The following PTPN21 variants were observed in gnomAD, a reference collection of about 807,000 sequenced individuals.
PTPN21 encodes protein tyrosine phosphatase non-receptor type 21, also known as tyrosine-protein phosphatase non-receptor type 21.
PTPN21 carries 77 observed loss-of-function variants against 131.8 expected under a neutral mutation model. That is an observed-to-expected ratio of 0.58 (90% CI 0.49 to 0.71). The LOEUF is 0.71. Ranked by LOEUF, PTPN21 falls within the 30% of genes least tolerant of loss-of-function variation. The pLI is 0.00. For missense variants in PTPN21, 1,552 were observed against 1,527.1 expected, an observed-to-expected ratio of 1.02 and a Z score of -0.27; for synonymous variants, 715 against 621.3, an observed-to-expected ratio of 1.15 and a Z score of -2.24.
At chr14:88,490,935 C>G (rs1179777545) in intron 10 of PTPN21, among the ~76,000 whole-genome samples, 1 of 152,160 alleles carries the variant, frequency 6.6e-6, no homozygotes, top group African/African-American at 2.4e-5. Context: ...CTCCCCAACT[C>G]TCTCGGCATT....
At chr14:88,530,894 A>G (rs1229238523) in intron 2 of PTPN21, among the ~76,000 whole-genome samples, 1 of 152,202 alleles carries the variant, frequency 6.6e-6, no homozygotes, top group Admixed American at 6.5e-5. Context: ...ACAGAAAGTC[A>G]ACAAAGAAAC....
rs1257033238 is a variant in PTPN21 at position 88,479,651 on chromosome 14, G to A, written c.1780C>T (p.Leu594Phe). The A allele has an allele frequency of 6.5e-7, 1 of 1,548,444 alleles. No homozygotes were observed. The highest frequency in any genetic ancestry group is 8.7e-7 in the Non-Finnish European group (1 of 1,152,638). ...GAGTGGTGCACGCGCCGCGTGATGAGGTCGGGGTTGCTGCTGCTGATGTAA... is the reference window on the plus strand; with the variant it reads ...GAGTGGTGCACGCGCCGCGTGATGAAGTCGGGGTTGCTGCTGCTGATGTAA... ...HLYISSSNPD[L>F]ITRRVHHSVQ... The change falls in exon 13 of 19, where the codon CTC (leucine) becomes TTC (phenylalanine). Residue 594 changes from leucine (L) to phenylalanine (F), a missense_variant. This residue lies in a region of PTPN21 where 1,016 missense variants were observed against 883.5 expected (regional missense o/e 1.15). Coordinates refer to ENST00000556564, the MANE Select transcript of PTPN21 (RefSeq NM_007039.4).
chr14:88,543,622 C>T (rs2078735736), intron 2 of PTPN21, among the ~76,000 whole-genome samples: 1 of 152,132 alleles, frequency 6.6e-6, no homozygotes, highest in Non-Finnish European at 1.5e-5. Flanking sequence ...ATGCTCCAGT[C>T]AACAAGAGTC....
chr14:88,538,539 C>A (rs1024426482), intron 2 of PTPN21, among the ~76,000 whole-genome samples: 2 of 152,120 alleles, frequency 1.3e-5, no homozygotes, highest in African/African-American at 4.8e-5. Flanking sequence ...CTTTGCCTGA[C>A]GTGAGTGCAA....
At chr14:88,543,808 T>C (rs543438471) in intron 2 of PTPN21, among the ~76,000 whole-genome samples, 6 of 152,336 alleles carry the variant, frequency 3.9e-5, no homozygotes, top group African/African-American at 9.6e-5. Flanking sequence ...CAAAATACCC[T>C]GGAGGTAATT....
chr14:88,517,967 CT>C (rs2078307169), intron 2 of PTPN21, among the ~76,000 whole-genome samples: 1 of 146,464 alleles, frequency 6.8e-6, no homozygotes, highest in Non-Finnish European at 1.5e-5. Flanking sequence ...AGGATAAATT[CT>C]TCTGTATTTT....
chr14:88,501,275 A>T lies in PTPN21; in HGVS notation c.675+6T>A. The T allele has an allele frequency of 6.2e-7, 1 of 1,607,860 alleles. No individual in the cohort carries two copies. Among genetic ancestry groups the T allele is most frequent in the Non-Finnish European group, 8.5e-7 (1 of 1,174,488 alleles). ...TAAAGAGCCCCAGCCGCCAAGCCAC[A>T]CTTACCTTAGCAGGGTAGCTCTCTT... On this transcript the variant is annotated splice_donor_region_variant and intron_variant, in intron 7 of 18. Coordinates refer to ENST00000556564, the MANE Select transcript of PTPN21 (RefSeq NM_007039.4).
intron 7 of PTPN21, 154 bp downstream of exon 7, chr14:88,501,127 A>G (rs2078001474): frequency 2.7e-6 from 2 of 748,740 alleles, no homozygotes. Context: ...GTGTTTTACC[A>G]CAAAACTTTG....
chr14:88,494,197 G>GGAGGT (rs548453543), intron 10 of PTPN21, among the ~76,000 whole-genome samples: 32 of 152,296 alleles, frequency 2.1e-4, no homozygotes, highest in African/African-American at 7.2e-4. Flanking sequence ...GCTGCAATGA[G>GGAGGT]GGAGCAAGGC....
intron 10 of PTPN21, among the ~76,000 whole-genome samples, chr14:88,495,013 CAAAAAAAAAAAAAAA>C (rs386382090): frequency 1.0e-4 from 5 of 49,164 alleles, no homozygotes; most frequent in African/African-American, 2.7e-4. Context: ...ACTCTGTCTC[CAAAAAAAAAAAAAAA>C]AAAAAAAAAA....
At chr14:88,540,838 T>A (rs2078695247) in intron 2 of PTPN21, among the ~76,000 whole-genome samples, 1 of 152,064 alleles carries the variant, frequency 6.6e-6, no homozygotes, top group East Asian at 1.9e-4. Context: ...AATTTTTTAA[T>A]TTTTTGTATA....
rs1455600254 is a variant in PTPN21, at chr14:88,480,036, C to A, written c.1395G>T (p.Ala465=). The part of the protein sequence containing the change: ...MKQLNRGLVH[A]ERQSHSLRNL... ...TTCGCAGCGAGTGGCTCTGCCGTTC[C>A]GCATGCACCAGGCCCCTGTTGAGCT... Residue 465 remains alanine, a synonymous_variant, in exon 13 of 19, where the codon GCG becomes GCT. Coordinates refer to ENST00000556564, the MANE Select transcript of PTPN21 (RefSeq NM_007039.4). 6.2e-7 allele frequency: 1 copy of A among 1,613,904 alleles called. No homozygotes were observed. The highest frequency in any genetic ancestry group is 8.5e-7 in the Non-Finnish European group (1 of 1,180,040).
Position 88,500,824 on chromosome 14 carries a change from G to A in PTPN21, c.723C>T (p.Ile241=), listed in dbSNP as rs779623884. The change falls in exon 8 of 19, where the codon ATC becomes ATT. Residue 241 remains isoleucine, a synonymous_variant. Coordinates refer to ENST00000556564, the MANE Select transcript of PTPN21 (RefSeq NM_007039.4). ...DISIGACLEG[I]FVKHKNGRHP... is the part of the protein sequence containing the mutation. Reference sequence around the variant, plus strand: ...GCCTTCCATTCTTGTGTTTCACAAAGATACCTTCAAGACACGCTCCAATGG... The same window carrying A: ...GCCTTCCATTCTTGTGTTTCACAAAAATACCTTCAAGACACGCTCCAATGG... The A allele has an allele frequency of 6.2e-7, 1 of 1,613,838 alleles. No homozygotes were observed. The highest frequency in any genetic ancestry group is 8.5e-7 in the Non-Finnish European group (1 of 1,179,880).
chr14:88,489,772 C>A (rs111414453), intron 10 of PTPN21, among the ~76,000 whole-genome samples: 6,211 of 152,226 alleles, frequency 0.041, 167 homozygotes, highest in South Asian at 0.1. Flanking sequence ...GCTCTCCTCC[C>A]AGCCTACACT....
At chr14:88,470,089 A>G (rs2077436418) in intron 15 of PTPN21, 39 bp from the exon 16 acceptor site, 2 of 1,594,192 alleles carry the variant, frequency 1.3e-6, no homozygotes, top group African/African-American at 1.3e-5. Flanking sequence ...ATGTGTGGGT[A>G]TAATATACAT....
chr14:88,477,664 C>T (rs533230133), intron 13 of PTPN21, among the ~76,000 whole-genome samples: 2 of 152,072 alleles, frequency 1.3e-5, no homozygotes, highest in South Asian at 2.1e-4. Flanking sequence ...AGTTTAGCAG[C>T]GATGGGGGGA....
rs1394488808 is a variant in PTPN21 at position 88,479,592 on chromosome 14, C to A, written c.1839G>T (p.Val613=). The change falls in exon 13 of 19, where the codon GTG becomes GTT. Residue 613 remains valine (V), a synonymous_variant. Coordinates refer to ENST00000556564, the MANE Select transcript of PTPN21 (RefSeq NM_007039.4). ...CGCTGACCTCCTGCAGCGAGTGCGC[C>A]ACGGGCAGGCTGTCCTCCTGGAACG... ...VQTFQEDSLP[V]AHSLQEVSEP... 2 of 1,589,454 alleles carry A rather than the reference C, an allele frequency of 1.3e-6. No individual in the cohort carries two copies. The highest frequency in any genetic ancestry group is 1.7e-6 in the Non-Finnish European group (2 of 1,173,882).
At chr14:88,539,250 A>ATTT (rs57117892) in intron 2 of PTPN21, among the ~76,000 whole-genome samples, 1 of 120,280 alleles carries the variant, frequency 8.3e-6, no homozygotes, top group African/African-American at 3.1e-5. Context: ...CGCCCGGTTA[A>ATTT]TTTTTTTTTT....
intron 1 of PTPN21, chr14:88,552,333 A>C (rs551875738): frequency 1.6e-4 from 25 of 152,330 alleles, no homozygotes; most frequent in Admixed American, 1.0e-3. Context: ...GCCAAACTTA[A>C]CATTTTGAAA....
Sources: allele counts gnomAD v4.1 joint callset (sites outside exome capture counted in the v4.1 genomes callset), GRCh38; gene constraint gnomAD v4.1.1; regional missense constraint gnomAD v4.1.1; transcripts MANE v1.5; gene names NCBI Gene and HGNC (gene_info 2026-07-23, HGNC 2026-07-21).